The following FOXP2 variants were observed in gnomAD, a reference collection of about 807,000 sequenced individuals.
FOXP2 encodes the protein forkhead box P2.
Under a neutral mutation model 115.8 loss-of-function variants are expected in FOXP2, and 12 were observed. That is an observed-to-expected ratio of 0.10 (90% confidence interval 0.07 to 0.17). The LOEUF is 0.17. FOXP2 is among the 10% of genes least tolerant of loss of function. FOXP2 has a pLI of 1.00. For missense variants in FOXP2, 629 were observed against 843.5 expected (o/e 0.75, Z 3.15); for synonymous variants, 328 against 297.7 (o/e 1.10, Z -1.05).
intron 3 of FOXP2, among the ~76,000 whole-genome samples, chr7:114,581,090 C>G (rs556804288): frequency 2.0e-5 from 3 of 151,454 alleles, no homozygotes; most frequent in South Asian, 2.1e-4. Flanking sequence ...CACACACACA[C>G]ACACACACAC....
chr7:114,576,840 T>G (rs946124200), intron 3 of FOXP2, among the ~76,000 whole-genome samples: 2 of 152,130 alleles, frequency 1.3e-5, no homozygotes, highest in Middle Eastern at 3.4e-3. Flanking sequence ...TATTTGTATT[T>G]CTGTTCCCTG....
chr7:114,560,602 C>A (rs978389798), intron 3 of FOXP2, among the ~76,000 whole-genome samples: 1 of 152,056 alleles, frequency 6.6e-6, no homozygotes, highest in African/African-American at 2.4e-5. Context: ...GGTGACAGAG[C>A]AAGACCCTGT....
At chr7:114,469,868 G>T (rs1795972303) in intron 2 of FOXP2, among the ~76,000 whole-genome samples, 1 of 152,080 alleles carries the variant, frequency 6.6e-6, no homozygotes, top group Non-Finnish European at 1.5e-5. Flanking sequence ...ATTCTTTATA[G>T]TACTAAACCA....
chr7:114,310,653 G>C (rs549104522), intron 2 of FOXP2, among the ~76,000 whole-genome samples: 4 of 152,010 alleles, frequency 2.6e-5, no homozygotes, highest in Non-Finnish European at 5.9e-5. Context: ...TTTAGATTCT[G>C]TGTTTGTTGT....
chr7:114,290,144 T>G (rs1796558667), intron 2 of FOXP2, among the ~76,000 whole-genome samples: 1 of 152,050 alleles, frequency 6.6e-6, no homozygotes, highest in Admixed American at 6.6e-5. Flanking sequence ...GGATTTTTTC[T>G]TCTCTGCTCC....
At chr7:114,539,613 G>A (rs1799560501) in intron 3 of FOXP2, among the ~76,000 whole-genome samples, 1 of 151,962 alleles carries the variant, frequency 6.6e-6, no homozygotes, top group African/African-American at 2.4e-5. Context: ...TATGTCTTGT[G>A]TGGCTCTTAT....
intron 1 of FOXP2, among the ~76,000 whole-genome samples, chr7:114,120,448 C>CA (rs1562970433): frequency 6.6e-6 from 1 of 151,930 alleles, no homozygotes. Flanking sequence ...ATAATCAAAT[C>CA]AAAGTTTTGA....
chr7:114,312,434 C>A (rs1328962343), intron 2 of FOXP2, among the ~76,000 whole-genome samples: 1 of 152,102 alleles, frequency 6.6e-6, no homozygotes, highest in Non-Finnish European at 1.5e-5. Context: ...TGAGAACATT[C>A]ACTTATGGAA....
At chr7:114,629,269 C>G (rs898277928) in intron 4 of FOXP2, among the ~76,000 whole-genome samples, 6 of 152,086 alleles carry the variant, frequency 3.9e-5, no homozygotes, top group Non-Finnish European at 8.8e-5. Context: ...TGTATATAGA[C>G]TTTATATTAT....
intron 1 of FOXP2, among the ~76,000 whole-genome samples, chr7:114,251,935 A>G (rs1274960979): frequency 1.3e-5 from 2 of 152,092 alleles, no homozygotes; most frequent in Admixed American, 1.3e-4. Flanking sequence ...GTTTGTCATA[A>G]ATAGCTTTCA....
chr7:114,462,366 CTTTTTTT>C (rs1170387045), intron 2 of FOXP2, among the ~76,000 whole-genome samples: 2 of 89,286 alleles, frequency 2.2e-5, no homozygotes, highest in African/African-American at 8.1e-5. Context: ...AGCATAATAT[CTTTTTTT>C]TTTTTTTTTT....
intron 2 of FOXP2, among the ~76,000 whole-genome samples, chr7:114,323,702 G>A (rs1424764455): frequency 2.0e-5 from 3 of 151,746 alleles, no homozygotes; most frequent in African/African-American, 7.3e-5. Context: ...CTTGGAAGTT[G>A]GTTTTATTTA....
At position 114,690,764 on chromosome 7, in the gene FOXP2, A is replaced by G. The variant is rs1330738157; in HGVS notation, c.*838A>G. On this transcript the variant is annotated 3_prime_UTR_variant, in exon 17 of 17. Transcript: ENST00000350908. The stretch of plus-strand genomic sequence containing the variant: ...CAGCTGCAAACCAAAGCCAACTCTA[A>G]CCATGGCCAAGAGCTCAAGGACAGA... 6.6e-6 allele frequency: 3 copies of G among 454,346 alleles called. No homozygotes were observed. Among genetic ancestry groups the G allele is most frequent in the Non-Finnish European group, 4.4e-6 (1 of 226,782 alleles). 28.1% of individuals were successfully genotyped at this position (454,346 alleles called of 1,614,324 possible).
At chr7:114,408,537 G>C (rs1306346303) in intron 2 of FOXP2, among the ~76,000 whole-genome samples, 1 of 152,030 alleles carries the variant, frequency 6.6e-6, no homozygotes, top group Non-Finnish European at 1.5e-5. Flanking sequence ...GACCAGCCTG[G>C]CCAATATGGT....
chr7:114,371,247 A>AT (rs34625695), intron 2 of FOXP2, among the ~76,000 whole-genome samples: 12,711 of 141,040 alleles, frequency 0.09, 626 homozygotes, highest in Middle Eastern at 0.15. Context: ...TGTCCAGCTA[A>AT]TTTTTTTTTT....
At chr7:114,140,866 G>T (rs1031383327) in intron 1 of FOXP2, among the ~76,000 whole-genome samples, 3 of 152,024 alleles carry the variant, frequency 2.0e-5, no homozygotes. Flanking sequence ...GTCAGCCTCA[G>T]CATTTTGTTC....
chr7:114,122,681 G>A (rs1791598173), intron 1 of FOXP2, among the ~76,000 whole-genome samples: 1 of 151,872 alleles, frequency 6.6e-6, no homozygotes, highest in Non-Finnish European at 1.5e-5. Flanking sequence ...AAGGTTCAGG[G>A]CTGAAATGTT....
rs564203482 is a variant in FOXP2 at position 114,198,428 on chromosome 7, G to C, written c.-102+35340G>C. On this transcript the variant is annotated intron_variant, in intron 1 of 17. Transcript: ENST00000634411. ...ACAGTTTTTCCAAGAATGCTATAGG[G>C]GGGTAGGGGATAGGGCTGATGGTTT... 1.1e-4 allele frequency among the ~76,000 whole-genome samples: 16 copies of C among 152,280 alleles called. No individual in the cohort carries two copies. The South Asian group carries it at 2.7e-3, about 26-fold the overall frequency.
chr7:114,281,092 T>C (rs1196196779), intron 1 of FOXP2, among the ~76,000 whole-genome samples: 1 of 141,224 alleles, frequency 7.1e-6, no homozygotes, highest in Non-Finnish European at 1.5e-5. Flanking sequence ...TTATGCAATT[T>C]GAATTTTTTT....
Sources: allele counts gnomAD v4.1 joint callset (sites outside exome capture counted in the v4.1 genomes callset), GRCh38; gene constraint gnomAD v4.1.1; transcripts MANE v1.5; gene names NCBI Gene and HGNC (gene_info 2026-07-23, HGNC 2026-07-21).